The following PDE1B variants were observed in gnomAD, a reference collection of about 807,000 sequenced individuals.
PDE1B encodes the protein dual specificity calcium/calmodulin-dependent 3',5'-cyclic nucleotide phosphodiesterase 1B.
PDE1B carries 13 observed loss-of-function variants against 66.7 expected under a neutral mutation model. The observed-to-expected ratio is 0.19, with a 90% CI of 0.13 to 0.31. The LOEUF (loss-of-function observed/expected upper bound fraction) is 0.31, where lower values mean the gene tolerates loss of function less well. Ranked by LOEUF, PDE1B falls within the 10% of genes least tolerant of loss-of-function variation. The pLI, the probability that PDE1B is intolerant of heterozygous loss-of-function variation, is 1.00. For missense variants in PDE1B, 485 were observed against 682.3 expected (o/e 0.71, Z 3.22); for synonymous variants, 230 against 253.9 (o/e 0.91, Z 0.90).
intron 2 of PDE1B, among the ~76,000 whole-genome samples, chr12:54,558,943 G>T (rs948678394): frequency 1.3e-5 from 2 of 152,168 alleles, no homozygotes; most frequent in African/African-American, 4.8e-5. Context: ...TGAAAATTCT[G>T]TGAAGCATGT....
chr12:54,569,203 G>A lies in PDE1B; in HGVS notation c.247G>A (p.Asp83Asn). The change falls in exon 4 of 16, where the codon GAC (aspartate) becomes AAC (asparagine). Residue 83 changes from aspartate (D) to asparagine (N), a missense_variant. Asp to Asn is a conservative substitution (Grantham distance 23). This residue lies in a region of PDE1B where 282 missense variants were observed against 453.4 expected (regional missense o/e 0.62). Transcript: ENST00000243052. This position sits in a 1 kb window ranked among gnomAD's most constrained non-coding sequence, Gnocchi z 4.4. ...DETRQILDTE[D>N]ELQELRSDAV... is the part of the protein sequence containing the mutation. Reference sequence around the variant, plus strand: ...TCTCAGGCAAATCTTGGACACGGAGGACGAGCTGCAGGAGCTGCGGTCAGA... The same window carrying A: ...TCTCAGGCAAATCTTGGACACGGAGAACGAGCTGCAGGAGCTGCGGTCAGA... 6.2e-7 allele frequency: 1 copy of A among 1,609,036 alleles called. No homozygotes were observed. Among genetic ancestry groups the A allele is most frequent in the Non-Finnish European group, 8.5e-7 (1 of 1,176,726 alleles).
intron 2 of PDE1B, chr12:54,550,267 A>C: frequency 7.8e-7 from 1 of 1,280,732 alleles, no homozygotes; most frequent in South Asian, 2.0e-5. Flanking sequence ...GAGGCAGCAC[A>C]GTATATGCAG....
At chr12:54,552,680 T>A (rs995444037) in intron 2 of PDE1B, among the ~76,000 whole-genome samples, 1 of 152,258 alleles carries the variant, frequency 6.6e-6, no homozygotes, top group African/African-American at 2.4e-5. Flanking sequence ...TCATATGAGC[T>A]GAAGAGAATC....
intron 2 of PDE1B, among the ~76,000 whole-genome samples, chr12:54,565,264 CAGA>C (rs995312812): frequency 6.6e-6 from 1 of 152,182 alleles, no homozygotes; most frequent in African/African-American, 2.4e-5. Context: ...GAACTATAGG[CAGA>C]AGAAGAGGCC....
intron 2 of PDE1B, among the ~76,000 whole-genome samples, chr12:54,557,064 A>C (rs1213918524): frequency 6.6e-6 from 1 of 152,128 alleles, no homozygotes; most frequent in Non-Finnish European, 1.5e-5. Flanking sequence ...CCTTGTTTGG[A>C]AACTTCTTGT....
chr12:54,561,103 G>A (rs1389439900), intron 2 of PDE1B, among the ~76,000 whole-genome samples: 2 of 152,130 alleles, frequency 1.3e-5, no homozygotes, highest in East Asian at 3.9e-4. Flanking sequence ...CCCTGAAAGG[G>A]AGCTGAATCT....
intron 2 of PDE1B, among the ~76,000 whole-genome samples, chr12:54,563,815 G>C (rs1302374080): frequency 1.3e-5 from 2 of 152,176 alleles, no homozygotes; most frequent in Non-Finnish European, 2.9e-5. Context: ...CATTCTCAAA[G>C]TTTAGTGTAT....
chr12:54,573,046 C>A lies in PDE1B; in HGVS notation c.736-102C>A. 1.1e-6 allele frequency: 1 copy of A among 885,834 alleles called. No individual in the cohort carries two copies. The highest frequency in any genetic ancestry group is 1.9e-6 in the Non-Finnish European group (1 of 538,624). 54.9% of individuals were successfully genotyped at this position (885,834 alleles called of 1,614,324 possible). The stretch of plus-strand genomic sequence containing the variant: ...CATTAACCAAGAGCTGGCCTGGAAG[C>A]ATGGAAGGGATGGGATGAGTGATCT... On this transcript the variant is annotated intron_variant, in intron 7 of 15. Transcript: ENST00000243052. The surrounding 1 kb of genome is among the most constrained non-coding windows in gnomAD (Gnocchi z 5.2).
At position 54,549,608 on chromosome 12, in the gene PDE1B, GGCGGCGGCGGCGGTAGCGGCAGCAGCA is replaced by G. The variant is rs1252425269; in HGVS notation, c.-170_-144del. ...CGAGGAGGCGGCTCTGGCAGCGCGC[GGCGGCGGCGGCGGTAGCGGCAGCAGCA>G]GCGGCGGTGCGGAGAGCTTGGACTG... On this transcript the variant is annotated 5_prime_UTR_variant, in exon 1 of 16. Transcript: ENST00000243052. The G allele has an allele frequency of 2.8e-6, 1 of 354,010 alleles. No homozygotes were observed. The highest frequency in any genetic ancestry group is 5.2e-6 in the Non-Finnish European group (1 of 193,948). The allele number at this position is 354,010 out of a possible 1,614,324, so 21.9% of individuals were successfully genotyped here.
In PDE1B at chr12:54,549,704, G is replaced by C. The variant is rs568127468; in HGVS notation, c.-82G>C. 1.1e-4 allele frequency: 55 copies of C among 503,324 alleles called. No individual in the cohort carries two copies. The highest frequency in any genetic ancestry group is 1.4e-5 in the Non-Finnish European group (4 of 284,610). The allele number at this position is 503,324 out of a possible 1,614,324, so 31.2% of individuals were successfully genotyped here. On this transcript the variant is annotated 5_prime_UTR_variant, in exon 1 of 16. Coordinates refer to ENST00000243052, the MANE Select transcript of PDE1B (RefSeq NM_000924.4). ...GGGCAGCGGGAGAGGAGGAGCCGCA[G>C]GAGCTGCAGCTCTGCCAGCTTGGGC... is the stretch of plus-strand genomic sequence containing the variant.
intron 2 of PDE1B, among the ~76,000 whole-genome samples, chr12:54,566,175 T>C (rs1329145943): frequency 6.6e-6 from 1 of 152,170 alleles, no homozygotes; most frequent in East Asian, 1.9e-4. Flanking sequence ...CATGAGGTGA[T>C]TGTTCCTTCA....
intron 2 of PDE1B, among the ~76,000 whole-genome samples, chr12:54,560,683 C>A (rs1217690076): frequency 1.3e-5 from 2 of 152,168 alleles, no homozygotes; most frequent in Admixed American, 1.3e-4. Context: ...AGTCTGAAGG[C>A]GGGAGAGGGG....
chr12:54,560,973 T>G (rs1957401227), intron 2 of PDE1B, among the ~76,000 whole-genome samples: 1 of 152,112 alleles, frequency 6.6e-6, no homozygotes, highest in African/African-American at 2.4e-5. Flanking sequence ...CCCTGACACC[T>G]AGCTTCAGGA....
chr12:54,553,144 G>A (rs1380629722), intron 2 of PDE1B, among the ~76,000 whole-genome samples: 2 of 141,384 alleles, frequency 1.4e-5, no homozygotes, highest in African/African-American at 5.3e-5. Flanking sequence ...GAGAGGCAGG[G>A]GGCTCTGTAT....
intron 10 of PDE1B, 105 bp from the exon 11 acceptor site, chr12:54,574,993 A>AAAT: frequency 5.7e-6 from 5 of 871,056 alleles, no homozygotes; most frequent in East Asian, 2.8e-5. Context: ...AAAAAAAAAA[A>AAAT]GGAAGAAGTT....
chr12:54,572,744 A>C lies in PDE1B; in HGVS notation c.735+3A>C. The C allele has an allele frequency of 6.2e-7, 1 of 1,613,934 alleles. No homozygotes were observed. Among genetic ancestry groups the C allele is most frequent in the Admixed American group, 1.7e-5 (1 of 60,028 alleles). Reference sequence around the variant, plus strand: ...TCTTGCTCCGCACAGGGATGGTGGTAGGTGCCCTGGAGATGATTCTTCTGT... The same window carrying C: ...TCTTGCTCCGCACAGGGATGGTGGTCGGTGCCCTGGAGATGATTCTTCTGT... On this transcript the variant is annotated splice_donor_region_variant and intron_variant, in intron 7 of 15. Transcript: ENST00000243052.
Position 54,573,053 on chromosome 12 carries a change from G to A in PDE1B, c.736-95G>A. The A allele has an allele frequency of 2.2e-6, 2 of 919,070 alleles. No homozygotes were observed. The highest frequency in any genetic ancestry group is 3.6e-6 in the Non-Finnish European group (2 of 563,012). 56.9% of individuals were successfully genotyped at this position (919,070 alleles called of 1,614,324 possible). A position where few individuals can be genotyped will look rare whatever the true frequency, so the allele number is the denominator to read the frequency against. On this transcript the variant is annotated intron_variant, in intron 7 of 15. Coordinates refer to ENST00000243052, the MANE Select transcript of PDE1B (RefSeq NM_000924.4). This position sits in a 1 kb window ranked among gnomAD's most constrained non-coding sequence, Gnocchi z 5.2. ...CAAGAGCTGGCCTGGAAGCATGGAAGGGATGGGATGAGTGATCTAGCCTGT... is the reference window on the plus strand; with the variant it reads ...CAAGAGCTGGCCTGGAAGCATGGAAAGGATGGGATGAGTGATCTAGCCTGT...
In PDE1B at chr12:54,549,615, G is replaced by C; in HGVS notation, c.-171G>C. Reference sequence around the variant, plus strand: ...GCGGCTCTGGCAGCGCGCGGCGGCGGCGGCGGTAGCGGCAGCAGCAGCGGC... The same window carrying C: ...GCGGCTCTGGCAGCGCGCGGCGGCGCCGGCGGTAGCGGCAGCAGCAGCGGC... On this transcript the variant is annotated 5_prime_UTR_variant, in exon 1 of 16. Coordinates refer to ENST00000243052, the MANE Select transcript of PDE1B (RefSeq NM_000924.4). 2.1e-6 allele frequency: 1 copy of C among 467,092 alleles called. No individual in the cohort carries two copies. Among genetic ancestry groups the C allele is most frequent in the Non-Finnish European group, 3.8e-6 (1 of 264,192 alleles). 28.9% of individuals were successfully genotyped at this position (467,092 alleles called of 1,614,324 possible). A position where few individuals can be genotyped will look rare whatever the true frequency, so the allele number is the denominator to read the frequency against.
Position 54,573,870 on chromosome 12 carries a change from A to AGTGTGTGT in PDE1B, c.1064+196_1064+203dup, listed in dbSNP as rs1555175896. On this transcript the variant is annotated intron_variant, in intron 10 of 15. Coordinates refer to ENST00000243052, the MANE Select transcript of PDE1B (RefSeq NM_000924.4). The surrounding 1 kb of genome is among the most constrained non-coding windows in gnomAD (Gnocchi z 5.2). The stretch of plus-strand genomic sequence containing the variant: ...GCATCTCTATGTGAGAGAGAGAGAG[A>AGTGTGTGT]GTGTGTGTGTGTGTGTGTGTGTGTG... 1.1e-4 allele frequency: 55 copies of AGTGTGTGT among 501,926 alleles called. No individual in the cohort carries two copies. The highest frequency in any genetic ancestry group is 1.5e-4 in the Non-Finnish European group (41 of 282,414). 31.1% of individuals were successfully genotyped at this position (501,926 alleles called of 1,614,324 possible). A position where few individuals can be genotyped will look rare whatever the true frequency, so the allele number is the denominator to read the frequency against.
Sources: gnomAD v4.1 joint callset for allele counts (sites outside exome capture counted in the v4.1 genomes callset) on GRCh38, gnomAD v4.1.1 for gene constraint, gnomAD v4.1.1 regional missense constraint, Gnocchi (gnomAD v3.1) non-coding constraint, MANE v1.5 for transcripts, NCBI Gene and HGNC (gene_info 2026-07-23, HGNC 2026-07-21) for gene names.